Variants in JAK2 observed in about 807,000 individuals in gnomAD.
JAK2 encodes tyrosine-protein kinase JAK2.
A neutral mutation model predicts 139.3 loss-of-function variants in JAK2; 86 were observed. The observed-to-expected ratio is 0.62, with a 90% CI of 0.52 to 0.74. JAK2 has a LOEUF of 0.74. Among genes scored for constraint, JAK2 ranks in the 30% least tolerant of loss-of-function variants. The pLI is 0.00. For missense variants in JAK2, 1,421 were observed against 1,360.3 expected (o/e 1.04, Z -0.70); for synonymous variants, 490 against 437.7 (o/e 1.12, Z -1.49).
At chr9:5,046,324 A>C (rs1313631137) in intron 5 of JAK2, among the ~76,000 whole-genome samples, 1 of 152,194 alleles carries the variant, frequency 6.6e-6, no homozygotes, top group Non-Finnish European at 1.5e-5. Flanking sequence ...TATAAGATAC[A>C]TGATTTGTAG....
Position 5,123,091 on chromosome 9 carries a change from A to G in JAK2, c.3147A>G (p.Thr1049=), listed in dbSNP as rs889970220. ...GAGTGGTTCTGTATGAACTTTTCACATACATTGAGAAGAGTAAAAGTCCAC... is the reference window on the plus strand; with the variant it reads ...GAGTGGTTCTGTATGAACTTTTCACGTACATTGAGAAGAGTAAAAGTCCAC... ...SFGVVLYELF[T]YIEKSKSPPA... is the part of the protein sequence containing the mutation. Residue 1049 remains threonine (T), a synonymous_variant, in exon 23 of 25, where the codon ACA becomes ACG. Coordinates refer to ENST00000381652, the MANE Select transcript of JAK2 (RefSeq NM_004972.4). 6.2e-7 allele frequency: 1 copy of G among 1,609,612 alleles called. No individual in the cohort carries two copies. Among genetic ancestry groups the G allele is most frequent in the Non-Finnish European group, 8.5e-7 (1 of 1,177,492 alleles).
In JAK2 at chr9:5,054,933, G is replaced by A. The variant is rs1817661196; in HGVS notation, c.936+49G>A. 9.0e-6 allele frequency: 12 copies of A among 1,335,116 alleles called. No homozygotes were observed. Among genetic ancestry groups the A allele is most frequent in the Non-Finnish European group, 3.1e-6 (3 of 973,078 alleles). The allele number at this position is 1,335,116 out of a possible 1,614,324, so 82.7% of individuals were successfully genotyped here. On this transcript the variant is annotated intron_variant, in intron 7 of 24. Transcript: ENST00000381652. The surrounding 1 kb of genome is among the most constrained non-coding windows in gnomAD (Gnocchi z 4.9). ...GTTCTTTGTTATTTTAAGTACAATG[G>A]AAATAAAAACAAAGTAATTTTAATC...
At chr9:5,011,330 C>T (rs1821687860) in intron 2 of JAK2, among the ~76,000 whole-genome samples, 1 of 152,072 alleles carries the variant, frequency 6.6e-6, no homozygotes, top group Non-Finnish European at 1.5e-5. Flanking sequence ...GGACTACGGG[C>T]ACAGAGCACC....
chr9:5,058,087 A>G (rs530717039), intron 8 of JAK2, among the ~76,000 whole-genome samples: 2 of 152,298 alleles, frequency 1.3e-5, no homozygotes, highest in Non-Finnish European at 2.9e-5. Context: ...TCATTCATCC[A>G]TCAATGAATA....
Position 5,066,738 on chromosome 9 carries a change from T to C in JAK2, c.1275T>C (p.Leu425=), listed in dbSNP as rs1818599409. The C allele has an allele frequency of 6.2e-7, 1 of 1,606,886 alleles. No individual in the cohort carries two copies. The change falls in exon 10 of 25, where the codon CTT becomes CTC. Residue 425 remains leucine (L), a synonymous_variant. Coordinates refer to ENST00000381652, the MANE Select transcript of JAK2 (RefSeq NM_004972.4). ...GTAATCAGACTGGACTGTATGTACT[T>C]CGATGCAGTCCTAAGGACTTTAATA... The part of the protein sequence containing the change: ...KAGNQTGLYV[L]RCSPKDFNKY...
intron 11 of JAK2, 83 bp from the exon 12 acceptor site, chr9:5,069,842 A>T: frequency 1.2e-6 from 1 of 839,746 alleles, no homozygotes; most frequent in Non-Finnish European, 1.8e-6. Flanking sequence ...TATACGTAGA[A>T]CACATTTCAT....
chr9:5,076,184 T>C (rs939230009), intron 14 of JAK2, among the ~76,000 whole-genome samples: 3 of 152,192 alleles, frequency 2.0e-5, no homozygotes, highest in African/African-American at 2.4e-5. Context: ...GCTGTGAACA[T>C]TGTGAAATGA....
chr9:4,997,519 G>A (rs1486583316), intron 2 of JAK2, among the ~76,000 whole-genome samples: 1 of 152,100 alleles, frequency 6.6e-6, no homozygotes, highest in East Asian at 1.9e-4. Flanking sequence ...GCACCAAGGG[G>A]GATGTTGCTA....
chr9:5,113,778 C>A, intron 22 of JAK2: 1 of 165,090 alleles, frequency 6.1e-6, no homozygotes, highest in Non-Finnish European at 1.3e-5. Context: ...GCCTCGGGTG[C>A]GTGGGCCAAA....
intron 5 of JAK2, among the ~76,000 whole-genome samples, chr9:5,050,288 C>T (rs1019811543): frequency 6.6e-6 from 1 of 152,008 alleles, no homozygotes; most frequent in African/African-American, 2.4e-5. Context: ...GAATTTATGC[C>T]ATTTATTTAT....
intron 14 of JAK2, among the ~76,000 whole-genome samples, chr9:5,076,944 T>TA (rs1819345318): frequency 7.1e-6 from 1 of 140,864 alleles, no homozygotes; most frequent in African/African-American, 2.5e-5. Flanking sequence ...ATATATTTTT[T>TA]TAAAAAAGTT....
At chr9:4,988,375 A>G (rs1204236354) in intron 2 of JAK2, among the ~76,000 whole-genome samples, 1 of 152,274 alleles carries the variant, frequency 6.6e-6, no homozygotes, top group Non-Finnish European at 1.5e-5. Context: ...AAATGAATGT[A>G]GAACAGGAAA....
At chr9:5,081,123 C>T (rs1020300236) in intron 18 of JAK2, among the ~76,000 whole-genome samples, 17 of 151,886 alleles carry the variant, frequency 1.1e-4, no homozygotes, top group African/African-American at 3.9e-4. Flanking sequence ...TCTCGATCTC[C>T]TGATCTTGTG....
At chr9:5,062,700 C>T (rs1183585072) in intron 8 of JAK2, among the ~76,000 whole-genome samples, 1 of 151,904 alleles carries the variant, frequency 6.6e-6, no homozygotes, top group Non-Finnish European at 1.5e-5. Flanking sequence ...TGTATCTGTA[C>T]ACCTGTTTTC....
At chr9:5,016,562 C>G (rs535832423) in intron 2 of JAK2, among the ~76,000 whole-genome samples, 3 of 152,188 alleles carry the variant, frequency 2.0e-5, no homozygotes, top group African/African-American at 7.2e-5. Context: ...AAGTAAACCT[C>G]TAATTGAAGT....
intron 4 of JAK2, among the ~76,000 whole-genome samples, chr9:5,035,615 A>G (rs1298398004): frequency 6.6e-6 from 1 of 152,264 alleles, no homozygotes; most frequent in Non-Finnish European, 1.5e-5. Flanking sequence ...GCATATAAAC[A>G]GAACTAACGG....
intron 22 of JAK2, among the ~76,000 whole-genome samples, chr9:5,120,674 G>GTC: frequency 6.6e-6 from 1 of 152,138 alleles, no homozygotes; most frequent in African/African-American, 2.4e-5. Context: ...CTTGTGTGAA[G>GTC]ACCTCTGTGC....
In JAK2 at chr9:5,069,022, CG is replaced by C. The variant is rs1563973130; in HGVS notation, c.1328del (p.Arg443GlnfsTer11). ...TTTCTTTATAATTAAACTTATACAG[CG>C]AGAAAATGTCATTGAATATAAACAC... The part of the protein sequence containing the change: ...NKYFLTFAVE[R>X]ENVIEYKHCL... On this transcript the variant is annotated frameshift_variant and splice_region_variant, in exon 11 of 25. Transcript: ENST00000381652. LOFTEE classifies it high-confidence loss of function. 2 of 1,552,612 alleles carry C rather than the reference CG, an allele frequency of 1.3e-6. No homozygotes were observed. The highest frequency in any genetic ancestry group is 1.8e-6 in the Non-Finnish European group (2 of 1,139,366).
intron 2 of JAK2, among the ~76,000 whole-genome samples, chr9:5,010,160 T>C (rs528708334): frequency 4.6e-5 from 7 of 152,338 alleles, no homozygotes; most frequent in African/African-American, 1.7e-4. Context: ...TGTAAATTTC[T>C]GATTTGCTGA....
Sources: allele counts gnomAD v4.1 joint callset (sites outside exome capture counted in the v4.1 genomes callset), GRCh38; gene constraint gnomAD v4.1.1; non-coding constraint Gnocchi (gnomAD v3.1); transcripts MANE v1.5; gene names NCBI Gene and HGNC (gene_info 2026-07-23, HGNC 2026-07-21).